Variants in SRGAP2 observed in about 807,000 individuals in gnomAD.
SRGAP2 encodes the protein SLIT-ROBO Rho GTPase activating protein 2.
In SRGAP2, 15 loss-of-function variants were observed where a neutral mutation model predicts 57.2. The ratio of observed to expected loss-of-function variants is 0.26; its 90% CI spans 0.18 to 0.40. The LOEUF (loss-of-function observed/expected upper bound fraction) is 0.40. Among genes scored for constraint, SRGAP2 ranks in the 10% least tolerant of loss-of-function variants. SRGAP2 has a pLI of 1.00. For missense variants in SRGAP2, 520 were observed against 669.6 expected, an observed-to-expected ratio of 0.78 and a Z score of 2.47; for synonymous variants, 249 against 248.0, an observed-to-expected ratio of 1.00 and a Z score of -0.04.
At chr1:206,380,318 CA>C (rs1312841882) in intron 4 of SRGAP2, among the ~76,000 whole-genome samples, 1 of 145,640 alleles carries the variant, frequency 6.9e-6, no homozygotes, top group Non-Finnish European at 1.5e-5. Context: ...TCTGATCAGC[CA>C]CTCGGCAGCA....
At chr1:206,412,292 A>G (rs536111410) in intron 10 of SRGAP2, among the ~76,000 whole-genome samples, 1 of 152,384 alleles carries the variant, frequency 6.6e-6, no homozygotes, top group East Asian at 1.9e-4. Context: ...AAGTTTCACA[A>G]TGGCACTAAA....
At chr1:206,453,103 C>T (rs1414112683) in intron 19 of SRGAP2, 97 bp from the exon 20 acceptor site, 3 of 452,240 alleles carry the variant, frequency 6.6e-6, no homozygotes, top group Non-Finnish European at 1.2e-5. Flanking sequence ...AAGTAATTTC[C>T]TACCACTGTA....
intron 18 of SRGAP2, among the ~76,000 whole-genome samples, chr1:206,448,053 AG>A (rs1384329180): frequency 6.6e-6 from 1 of 152,168 alleles, no homozygotes; most frequent in African/African-American, 2.4e-5. Flanking sequence ...TTGGGTTGAG[AG>A]GGACCTTCTA....
At chr1:206,444,265 T>C (rs1428796888) in intron 17 of SRGAP2, among the ~76,000 whole-genome samples, 8 of 152,154 alleles carry the variant, frequency 5.3e-5, no homozygotes, top group Non-Finnish European at 1.5e-5. Context: ...TTTTCATCTG[T>C]ATTTTGATGG....
chr1:206,234,810 C>T (rs1267443897), intron 2 of SRGAP2, among the ~76,000 whole-genome samples: 2 of 151,838 alleles, frequency 1.3e-5, no homozygotes, highest in Non-Finnish European at 1.5e-5. Flanking sequence ...TCTTCCATTT[C>T]TCATTGGGGT....
At chr1:206,327,734 C>T (rs1265691547) in intron 3 of SRGAP2, among the ~76,000 whole-genome samples, 1 of 110,938 alleles carries the variant, frequency 9.0e-6, no homozygotes, top group Non-Finnish European at 1.7e-5. Flanking sequence ...ATCAGGAGTA[C>T]TAATAAAGAA....
intron 2 of SRGAP2, among the ~76,000 whole-genome samples, chr1:206,269,200 G>A (rs1670060224): frequency 6.8e-6 from 1 of 146,144 alleles, no homozygotes; most frequent in Non-Finnish European, 1.5e-5. Context: ...AGTAAGGAGT[G>A]AAAGAGGCAT....
At chr1:206,389,134 G>T (rs1201643889) in intron 5 of SRGAP2, among the ~76,000 whole-genome samples, 1 of 150,816 alleles carries the variant, frequency 6.6e-6, no homozygotes, top group Non-Finnish European at 1.5e-5. Context: ...AATGGGAGGG[G>T]GATCTTGGGG....
chr1:206,332,785 G>A (rs372997855), intron 3 of SRGAP2, among the ~76,000 whole-genome samples: 4 of 151,752 alleles, frequency 2.6e-5, no homozygotes, highest in African/African-American at 4.9e-5. Flanking sequence ...TAATTTGATC[G>A]TCTGAAGCCT....
rs1558345475 is a variant in SRGAP2, at chr1:206,359,796, C to CCCTTTTTTTTTTTTTTTT, written c.423+16788_423+16789insCCTTTTTTTTTTTTTTTT. The stretch of plus-strand genomic sequence containing the variant: ...AGAGGATGGGGTACAAGGGATATTG[C>CCCTTTTTTTTTTTTTTTT]TCTTTTTTTTTTTTTTTTTTTTTTT... On this transcript the variant is annotated intron_variant, in intron 4 of 22. Coordinates refer to ENST00000573034, the MANE Select transcript of SRGAP2 (RefSeq NM_015326.5). 1.5e-4 allele frequency among the ~76,000 whole-genome samples: 16 copies of CCCTTTTTTTTTTTTTTTT among 103,684 alleles called. 1 individual carries two copies. Among genetic ancestry groups the CCCTTTTTTTTTTTTTTTT allele is most frequent in the African/African-American group, 7.6e-4 (16 of 21,110 alleles). The allele number at this position is 103,684 out of a possible 152,430, so 68.0% of individuals were successfully genotyped here. A position where few individuals can be genotyped will look rare whatever the true frequency, so the allele number is the denominator to read the frequency against.
intron 3 of SRGAP2, among the ~76,000 whole-genome samples, chr1:206,341,948 A>C (rs2102916755): frequency 6.6e-6 from 1 of 152,250 alleles, no homozygotes; most frequent in Admixed American, 6.5e-5. Context: ...CAGTGAGCCA[A>C]GATTGTGCCA....
intron 11 of SRGAP2, among the ~76,000 whole-genome samples, chr1:206,419,037 T>G (rs1168289364): frequency 6.6e-6 from 1 of 152,012 alleles, no homozygotes; most frequent in Non-Finnish European, 1.5e-5. Context: ...TAATAATTTA[T>G]TCTATTAAGT....
At chr1:206,230,122 A>G (rs1667539438) in intron 2 of SRGAP2, among the ~76,000 whole-genome samples, 1 of 152,236 alleles carries the variant, frequency 6.6e-6, no homozygotes, top group Admixed American at 6.5e-5. Flanking sequence ...TAAACTGATC[A>G]ATTGCCGTGC....
At chr1:206,359,193 C>T (rs1553340108) in intron 4 of SRGAP2, among the ~76,000 whole-genome samples, 1 of 124,556 alleles carries the variant, frequency 8.0e-6, no homozygotes, top group Non-Finnish European at 1.7e-5. Context: ...CTCATGAGGA[C>T]AGTCTGACAG....
At chr1:206,267,100 C>G (rs1246450700) in intron 2 of SRGAP2, among the ~76,000 whole-genome samples, 1 of 151,318 alleles carries the variant, frequency 6.6e-6, no homozygotes, top group Non-Finnish European at 1.5e-5. Context: ...TCCCAAGTAG[C>G]TGGGACTACA....
At chr1:206,302,414 T>TA (rs1671924580) in intron 2 of SRGAP2, among the ~76,000 whole-genome samples, 1 of 151,888 alleles carries the variant, frequency 6.6e-6, no homozygotes, top group Non-Finnish European at 1.5e-5. Flanking sequence ...GCTAGCTCCA[T>TA]ACAAGGACCC....
At chr1:206,426,006 C>T (rs1660769083) in intron 13 of SRGAP2, among the ~76,000 whole-genome samples, 1 of 151,948 alleles carries the variant, frequency 6.6e-6, no homozygotes, top group African/African-American at 2.4e-5. Flanking sequence ...GCTGCCATGC[C>T]CAGCTAATTT....
intron 2 of SRGAP2, among the ~76,000 whole-genome samples, chr1:206,243,737 C>T (rs1319986692): frequency 6.6e-6 from 1 of 152,148 alleles, no homozygotes; most frequent in Non-Finnish European, 1.5e-5. Context: ...TCTGGATCTA[C>T]TCGGTTGATG....
intron 2 of SRGAP2, among the ~76,000 whole-genome samples, chr1:206,220,957 T>A (rs1386951561): frequency 6.9e-6 from 1 of 145,472 alleles, no homozygotes; most frequent in Non-Finnish European, 1.5e-5. Flanking sequence ...TTTTTTTTTT[T>A]TTGAGGCAGA....
Sources: allele counts gnomAD v4.1 joint callset (sites outside exome capture counted in the v4.1 genomes callset), GRCh38; gene constraint gnomAD v4.1.1; transcripts MANE v1.5; gene names NCBI Gene and HGNC (gene_info 2026-07-23, HGNC 2026-07-21).